Variants in LARGE1 observed in about 807,000 individuals in gnomAD.
LARGE1 encodes the protein xylosyl- and glucuronyltransferase LARGE1.
In LARGE1, 43 loss-of-function variants were observed where a neutral mutation model predicts 87.6. The observed-to-expected ratio is 0.49, with a 90% CI of 0.38 to 0.63. The LOEUF is 0.63. LARGE1 is among the 30% of genes least tolerant of loss of function. The pLI is 0.00. For synonymous variants in LARGE1, 434 were observed against 394.6 expected (o/e 1.10, Z -1.18); for missense variants, 802 against 1,000.2 (o/e 0.80, Z 2.67).
intron 11 of LARGE1, among the ~76,000 whole-genome samples, chr22:33,309,834 G>A (rs1405822885): frequency 6.6e-6 from 1 of 152,126 alleles, no homozygotes; most frequent in Non-Finnish European, 1.5e-5. Flanking sequence ...GCAGGGGTGA[G>A]ATGAAGGTGT....
chr22:33,269,971 C>A (rs1928161091), downstream of LARGE1, among the ~76,000 whole-genome samples: 1 of 150,450 alleles, frequency 6.6e-6, no homozygotes, highest in African/African-American at 2.5e-5. Context: ...CGCCACTACA[C>A]TCCAGCCTGG....
intron 6 of LARGE1, among the ~76,000 whole-genome samples, chr22:33,555,661 G>A (rs967600155): frequency 1.3e-5 from 2 of 152,138 alleles, no homozygotes; most frequent in South Asian, 4.1e-4. Context: ...AGGCGTGGTG[G>A]CTCATGCTTG....
intron 11 of LARGE1, among the ~76,000 whole-genome samples, chr22:33,309,515 C>T (rs112833612): frequency 1.2e-4 from 19 of 152,254 alleles, no homozygotes; most frequent in South Asian, 4.1e-4. Context: ...CCTTCCACCA[C>T]GTGAGGACAC....
At chr22:33,519,235 C>CAT in intron 6 of LARGE1, among the ~76,000 whole-genome samples, 1 of 149,646 alleles carries the variant, frequency 6.7e-6, no homozygotes, top group Non-Finnish European at 1.5e-5. Context: ...CGTGCGCGCG[C>CAT]GTGTGTGTGT....
intron 1 of LARGE1, among the ~76,000 whole-genome samples, chr22:33,796,419 C>A (rs2085985499): frequency 2.0e-5 from 3 of 152,172 alleles, no homozygotes; most frequent in African/African-American, 7.2e-5. Context: ...ACTGGGAGGA[C>A]ACCAGGCAAA....
At chr22:33,443,952 TG>T (rs35026312) in intron 6 of LARGE1, among the ~76,000 whole-genome samples, 21 of 152,262 alleles carry the variant, frequency 1.4e-4, no homozygotes, top group Admixed American at 7.2e-4. Context: ...CCTCCATCCA[TG>T]GAAATTTTGG....
intron 6 of LARGE1, among the ~76,000 whole-genome samples, chr22:33,549,353 C>T (rs2077454652): frequency 6.6e-6 from 1 of 151,132 alleles, no homozygotes; most frequent in Non-Finnish European, 1.5e-5. Context: ...ATGGCATACA[C>T]TGGTTCCTCT....
At chr22:33,085,011 C>T in the LARGE1 span, among the ~76,000 whole-genome samples, 1 of 152,232 alleles carries the variant, frequency 6.6e-6, no homozygotes, top group African/African-American at 2.4e-5. Context: ...CACAGTGGCT[C>T]ACACCTGTAA....
chr22:33,254,059 G>T (rs8140859), intron 11 of LARGE1, among the ~76,000 whole-genome samples: 8,688 of 152,226 alleles, frequency 0.057, 282 homozygotes, highest in Middle Eastern at 0.088. Context: ...GCTACCCAAA[G>T]TGGGAGCAAA....
intron 11 of LARGE1, among the ~76,000 whole-genome samples, chr22:33,313,029 C>T (rs748481295): frequency 6.6e-6 from 1 of 152,168 alleles, no homozygotes; most frequent in Non-Finnish European, 1.5e-5. Context: ...TATGGAGACA[C>T]ACAGGATGCC....
chr22:33,214,834 G>T (rs983674533), intron 11 of LARGE1, among the ~76,000 whole-genome samples: 1 of 152,168 alleles, frequency 6.6e-6, no homozygotes, highest in African/African-American at 2.4e-5. Context: ...TTTGCGATGT[G>T]GCTTTATTCC....
chr22:33,438,195 C>T (rs2067341727), intron 6 of LARGE1, among the ~76,000 whole-genome samples: 1 of 152,102 alleles, frequency 6.6e-6, no homozygotes, highest in Non-Finnish European at 1.5e-5. Flanking sequence ...CTTGATGGTG[C>T]AAACACATCT....
Position 33,672,749 on chromosome 22 carries a change from G to A in LARGE1, c.107-22081C>T, listed in dbSNP as rs569395992. Among the ~76,000 whole-genome samples the A allele has an allele frequency of 7.9e-5, 12 of 152,246 alleles. No individual in the cohort carries two copies. In the South Asian group the frequency reaches 2.5e-3, roughly 32 times the overall value. On this transcript the variant is annotated intron_variant, in intron 2 of 14. Coordinates refer to ENST00000397394, the MANE Select transcript of LARGE1 (RefSeq NM_133642.5). ...AATAAGCTTAAGAACCAAAGGAGTTGGTAGAGAAGTAGATTTAAAATACCC... is the reference window on the plus strand; with the variant it reads ...AATAAGCTTAAGAACCAAAGGAGTTAGTAGAGAAGTAGATTTAAAATACCC...
At chr22:33,558,392 G>C (rs1330750117) in intron 6 of LARGE1, among the ~76,000 whole-genome samples, 1 of 152,170 alleles carries the variant, frequency 6.6e-6, no homozygotes, top group South Asian at 2.1e-4. Flanking sequence ...CTTAACCACA[G>C]GAGAGAGGAG....
At chr22:33,653,604 AG>A (rs1316439888) in intron 2 of LARGE1, among the ~76,000 whole-genome samples, 1 of 152,076 alleles carries the variant, frequency 6.6e-6, no homozygotes, top group Non-Finnish European at 1.5e-5. Flanking sequence ...TTCCAGTAAG[AG>A]TGATGGGAGG....
intron 6 of LARGE1, among the ~76,000 whole-genome samples, chr22:33,463,350 T>C (rs1250551527): frequency 2.0e-5 from 3 of 152,044 alleles, no homozygotes; most frequent in Admixed American, 6.5e-5. Context: ...AACACATTAC[T>C]AGAAGTACTC....
intron 11 of LARGE1, among the ~76,000 whole-genome samples, chr22:33,246,169 G>A (rs1268416161): frequency 6.6e-6 from 1 of 151,982 alleles, no homozygotes; most frequent in Non-Finnish European, 1.5e-5. Context: ...TGCTTTTTAG[G>A]GTGATATGAG....
chr22:33,376,123 TC>T (rs2064985012), intron 9 of LARGE1, among the ~76,000 whole-genome samples: 1 of 152,178 alleles, frequency 6.6e-6, no homozygotes, highest in South Asian at 2.1e-4. Flanking sequence ...CAAGAAACAC[TC>T]ACTGCATGCC....
At chr22:33,177,864 G>A (rs765307428) in intron 11 of LARGE1, among the ~76,000 whole-genome samples, 2 of 152,132 alleles carry the variant, frequency 1.3e-5, no homozygotes, top group Non-Finnish European at 2.9e-5. Context: ...GATCGTAGGG[G>A]CAGTATTCCT....
Sources: allele counts gnomAD v4.1 joint callset (sites outside exome capture counted in the v4.1 genomes callset), GRCh38; gene constraint gnomAD v4.1.1; transcripts MANE v1.5; gene names NCBI Gene and HGNC (gene_info 2026-07-23, HGNC 2026-07-21).